ZSWIM9: variants seen among roughly 807,000 people sequenced by gnomAD.
The protein encoded by ZSWIM9 is zinc finger SWIM-type containing 9.
A neutral mutation model predicts 25.0 loss-of-function variants in ZSWIM9; 11 were observed. That is an observed-to-expected ratio of 0.44 (90% confidence interval 0.28 to 0.73). The LOEUF (loss-of-function observed/expected upper bound fraction) is 0.73, where lower values mean the gene tolerates loss of function less well. Among genes scored for constraint, ZSWIM9 ranks in the 30% least tolerant of loss-of-function variants. The pLI is 0.16. For synonymous variants in ZSWIM9, 562 were observed against 582.1 expected (o/e 0.97, Z 0.50); for missense variants, 1,070 against 1,296.5 (o/e 0.83, Z 2.68).
At position 48,184,914 on chromosome 19, in the gene ZSWIM9, T is replaced by A. The variant is rs140612970; in HGVS notation, c.588+2147T>A. 1.6e-4 allele frequency among the ~76,000 whole-genome samples: 24 copies of A among 152,204 alleles called. 1 individual carries two copies. The East Asian group carries it at 3.5e-3, about 22-fold the overall frequency. ...ATGCACTTCCTACTCCACTGGTCTT[T>A]GCTGATCTAGTAACTCTCCTCCACT... On this transcript the variant is annotated intron_variant, in intron 3 of 3. Transcript: ENST00000614654.
At chr19:48,172,245 A>G (rs763508632) in intron 2 of ZSWIM9, among the ~76,000 whole-genome samples, 168 bp downstream of exon 2, 18 of 152,086 alleles carry the variant, frequency 1.2e-4, no homozygotes, top group Non-Finnish European at 2.4e-4. Flanking sequence ...AGGGACATGT[A>G]CTGAGAGAAG....
chr19:48,186,377 T>C (rs1381063442), intron 3 of ZSWIM9, among the ~76,000 whole-genome samples: 1 of 152,110 alleles, frequency 6.6e-6, no homozygotes, highest in Non-Finnish European at 1.5e-5. Context: ...GTTGGCTCAC[T>C]ATAACCTCCA....
At chr19:48,176,205 C>CA (rs972334711) in intron 2 of ZSWIM9, among the ~76,000 whole-genome samples, 1 of 151,442 alleles carries the variant, frequency 6.6e-6, no homozygotes, top group Non-Finnish European at 1.5e-5. Flanking sequence ...GACTCTATCT[C>CA]AAAAAAATGA....
In ZSWIM9 at chr19:48,182,318, C is replaced by G; in HGVS notation, c.276-137C>G. 1 of 722,126 alleles carries G rather than the reference C, an allele frequency of 1.4e-6. No homozygotes were observed. The allele number at this position is 722,126 out of a possible 1,614,324, so 44.7% of individuals were successfully genotyped here. ...AAGTGACTTGCCCCAGGTCACACAG[C>G]TGGCATATTCTTAGGGCCCTCTACT... On this transcript the variant is annotated intron_variant, in intron 2 of 3. Transcript: ENST00000614654. The surrounding 1 kb of genome is among the most constrained non-coding windows in gnomAD (Gnocchi z 4.6).
intron 3 of ZSWIM9, chr19:48,187,571 A>ATAT (rs2037042565): frequency 6.8e-5 from 4 of 59,034 alleles, no homozygotes; most frequent in East Asian, 7.8e-4. Flanking sequence ...ATATAATATT[A>ATAT]TATATATTAT....
intron 3 of ZSWIM9, chr19:48,187,580 ATATAT>A (rs1338087034): frequency 1.7e-5 from 1 of 57,296 alleles, no homozygotes; most frequent in African/African-American, 5.3e-5. Context: ...TATATATATT[ATATAT>A]TATATAATAT....
rs2037156515 is a variant in ZSWIM9 at position 48,195,821 on chromosome 19, C to A, written c.1757C>A (p.Ala586Glu). ...VWRGSQLEDQ[A>E]LRGLEGYTWR... ...AGGGGGTCCCAGTTGGAGGACCAGGCGCTAAGAGGATTGGAAGGGTATACC... is the reference window on the plus strand; with the variant it reads ...AGGGGGTCCCAGTTGGAGGACCAGGAGCTAAGAGGATTGGAAGGGTATACC... Residue 586 changes from alanine (A) to glutamate (E), a missense_variant, in exon 4 of 4, where the codon GCG becomes GAG. Physicochemically the swap from Ala to Glu is moderately radical, Grantham distance 107. Transcript: ENST00000614654. The surrounding 1 kb of genome is among the most constrained non-coding windows in gnomAD (Gnocchi z 5.8). The A allele has an allele frequency of 2.0e-6, 3 of 1,485,386 alleles. No homozygotes were observed. Among genetic ancestry groups the A allele is most frequent in the Admixed American group, 2.3e-5 (1 of 43,104 alleles). The allele number at this position is 1,485,386 out of a possible 1,614,324, so 92.0% of individuals were successfully genotyped here.
In ZSWIM9 at chr19:48,187,387, T is replaced by A. The variant is rs200590039; in HGVS notation, c.588+4620T>A. ...GTAATATAACAGTATAATGTAATAA[T>A]TAATATATTATATTAATTATATATT... On this transcript the variant is annotated intron_variant, in intron 3 of 3. Coordinates refer to ENST00000614654, the MANE Select transcript of ZSWIM9 (RefSeq NM_199341.4). Among the ~76,000 whole-genome samples the A allele has an allele frequency of 2.6e-3, 153 of 59,580 alleles. 4 individuals carry two copies. The highest frequency in any genetic ancestry group is 3.8e-3 in the East Asian group (8 of 2,084). 39.1% of individuals were successfully genotyped at this position (59,580 alleles called of 152,430 possible).
At chr19:48,172,309 G>T in intron 2 of ZSWIM9, among the ~76,000 whole-genome samples, 1 of 151,610 alleles carries the variant, frequency 6.6e-6, no homozygotes, top group Middle Eastern at 3.4e-3. Context: ...GTGTGGGCCC[G>T]ACTTACAGAC....
chr19:48,190,203 CAAA>C (rs34456808), intron 3 of ZSWIM9, among the ~76,000 whole-genome samples: 9 of 130,574 alleles, frequency 6.9e-5, no homozygotes, highest in Non-Finnish European at 8.1e-5. Context: ...GACTCCATCT[CAAA>C]AAAAAAAAAA....
Position 48,172,032 on chromosome 19 carries a change from G to A in ZSWIM9, c.230G>A (p.Arg77Gln), listed in dbSNP as rs1475932716. Reference sequence around the variant, plus strand: ...GACGTGCTCAAGTACAGCTACGTGCGGCTTGTGTGCAAGGACGTGCGTGCG... The same window carrying A: ...GACGTGCTCAAGTACAGCTACGTGCAGCTTGTGTGCAAGGACGTGCGTGCG... ...LIDVLKYSYV[R>Q]LVCKDVRAPS... The change falls in exon 2 of 4, where the codon CGG (arginine) becomes CAG (glutamine). Residue 77 changes from arginine (R) to glutamine (Q), a missense_variant. Arg to Gln is a conservative substitution (Grantham distance 43, BLOSUM62 1). Coordinates refer to ENST00000614654, the MANE Select transcript of ZSWIM9 (RefSeq NM_199341.4). The A allele has an allele frequency of 1.4e-5, 22 of 1,534,286 alleles. No individual in the cohort carries two copies. The highest frequency in any genetic ancestry group is 2.7e-5 in the African/African-American group (2 of 72,984).
At chr19:48,187,381 T>C (rs1387782910) in intron 3 of ZSWIM9, among the ~76,000 whole-genome samples, 1 of 21,116 alleles carries the variant, frequency 4.7e-5, no homozygotes, top group East Asian at 1.9e-3. Context: ...CAGTATAATG[T>C]AATAATTAAT....
At chr19:48,190,431 G>C (rs778597985) in intron 3 of ZSWIM9, 1 of 154,782 alleles carries the variant, frequency 6.5e-6, no homozygotes, top group Non-Finnish European at 1.5e-5. Flanking sequence ...GGATGTTGGG[G>C]GAGTACTGTT....
intron 3 of ZSWIM9, chr19:48,189,639 A>C (rs957922920): frequency 6.5e-6 from 1 of 154,412 alleles, no homozygotes; most frequent in African/African-American, 2.4e-5. Flanking sequence ...CACATTTTTA[A>C]GTTAAAAAAG....
At chr19:48,190,836 T>C (rs1241123211) in intron 3 of ZSWIM9, among the ~76,000 whole-genome samples, 1 of 152,208 alleles carries the variant, frequency 6.6e-6, no homozygotes, top group Non-Finnish European at 1.5e-5. Context: ...TTCTATGCCG[T>C]ATAGCCTGTT....
rs1045644599 is a variant in ZSWIM9 at position 48,195,748 on chromosome 19, C to T, written c.1684C>T (p.Pro562Ser). Residue 562 changes from proline (P) to serine (S), a missense_variant, in exon 4 of 4, where the codon CCC becomes TCC. Pro to Ser is a moderately conservative substitution (Grantham distance 74, BLOSUM62 -1). This residue lies in a region of ZSWIM9 where 583 missense variants were observed against 624.7 expected (regional missense o/e 0.93). Coordinates refer to ENST00000614654, the MANE Select transcript of ZSWIM9 (RefSeq NM_199341.4). This position sits in a 1 kb window ranked among gnomAD's most constrained non-coding sequence, Gnocchi z 5.8. ...RGPEIRDWRG[P>S]QLEGEKDWGL... ...GCCAGAGATTAGAGACTGGAGGGGG[C>T]CCCAGTTGGAGGGTGAGAAAGATTG... 1.4e-6 allele frequency: 2 copies of T among 1,479,184 alleles called. No homozygotes were observed. Among genetic ancestry groups the T allele is most frequent in the South Asian group, 1.3e-5 (1 of 74,894 alleles). The allele number at this position is 1,479,184 out of a possible 1,614,324, so 91.6% of individuals were successfully genotyped here.
In ZSWIM9 at chr19:48,195,401, G is replaced by A; in HGVS notation, c.1337G>A (p.Gly446Glu). 1 of 1,471,002 alleles carries A rather than the reference G, an allele frequency of 6.8e-7. No individual in the cohort carries two copies. The highest frequency in any genetic ancestry group is 8.9e-7 in the Non-Finnish European group (1 of 1,121,360). 91.1% of individuals were successfully genotyped at this position (1,471,002 alleles called of 1,614,324 possible). A position where few individuals can be genotyped will look rare whatever the true frequency, so the allele number is the denominator to read the frequency against. The change falls in exon 4 of 4, where the codon GGG (glycine) becomes GAG (glutamate). Residue 446 changes from glycine (G) to glutamate (E), a missense_variant. Coordinates refer to ENST00000614654, the MANE Select transcript of ZSWIM9 (RefSeq NM_199341.4). The surrounding 1 kb of genome is among the most constrained non-coding windows in gnomAD (Gnocchi z 5.8). ...ADAAGEAVPE[G>E]PDGGGPWLED... ...GCGGCCGGGGAGGCGGTGCCCGAGG[G>A]GCCCGATGGCGGGGGGCCTTGGCTG...
intron 2 of ZSWIM9, among the ~76,000 whole-genome samples, chr19:48,173,219 G>A (rs781611857): frequency 6.6e-6 from 1 of 152,212 alleles, no homozygotes; most frequent in Non-Finnish European, 1.5e-5. Flanking sequence ...TGTGCAAAGA[G>A]GGGCAGGTGA....
In ZSWIM9 at chr19:48,194,069, A is replaced by G. The variant is rs1487414172; in HGVS notation, c.589-584A>G. 1.3e-5 allele frequency among the ~76,000 whole-genome samples: 2 copies of G among 152,194 alleles called. No homozygotes were observed. Among genetic ancestry groups the G allele is most frequent in the Non-Finnish European group, 2.9e-5 (2 of 68,024 alleles). ...ACAGAGAGGTTAAATCGCAGGGTTCAGAAGTGTTGGGGGTGGGACTCAAAG... is the reference window on the plus strand; with the variant it reads ...ACAGAGAGGTTAAATCGCAGGGTTCGGAAGTGTTGGGGGTGGGACTCAAAG... On this transcript the variant is annotated intron_variant, in intron 3 of 3. Transcript: ENST00000614654. The surrounding 1 kb of genome is among the most constrained non-coding windows in gnomAD (Gnocchi z 6.0).
Sources: allele counts gnomAD v4.1 joint callset (sites outside exome capture counted in the v4.1 genomes callset), GRCh38; gene constraint gnomAD v4.1.1; regional missense constraint gnomAD v4.1.1; non-coding constraint Gnocchi (gnomAD v3.1); transcripts MANE v1.5; gene names NCBI Gene and HGNC (gene_info 2026-07-23, HGNC 2026-07-21).